The following SLC14A2 variants were observed in gnomAD, a reference collection of about 807,000 sequenced individuals.
SLC14A2 encodes the protein urea transporter 2.
A neutral mutation model predicts 104.6 loss-of-function variants in SLC14A2; 91 were observed. That is an observed-to-expected ratio of 0.87 (90% CI 0.73 to 1.04). The LOEUF (loss-of-function observed/expected upper bound fraction) is 1.04. SLC14A2 is among the 50% of genes least tolerant of loss of function. SLC14A2 has a pLI of 0.00. For missense variants in SLC14A2, 1,189 were observed against 1,156.0 expected, an observed-to-expected ratio of 1.03 and a Z score of -0.41; for synonymous variants, 476 against 466.4, an observed-to-expected ratio of 1.02 and a Z score of -0.27.
At chr18:45,265,248 G>A (rs913023443) in intron 1 of SLC14A2, among the ~76,000 whole-genome samples, 4 of 152,156 alleles carry the variant, frequency 2.6e-5, no homozygotes, top group Non-Finnish European at 2.9e-5. Flanking sequence ...ATGTAGAATA[G>A]GAATTAGACT....
At chr18:45,520,812 T>C (rs2043506780) in intron 2 of SLC14A2, among the ~76,000 whole-genome samples, 1 of 152,164 alleles carries the variant, frequency 6.6e-6, no homozygotes, top group Non-Finnish European at 1.5e-5. Flanking sequence ...ATCTAATTTG[T>C]GGGTTACCAT....
intron 1 of SLC14A2, among the ~76,000 whole-genome samples, chr18:45,310,845 A>C (rs1240017947): frequency 1.3e-5 from 2 of 152,198 alleles, no homozygotes; most frequent in African/African-American, 4.8e-5. Flanking sequence ...CAGCAGGCCA[A>C]ATGCCAGCGG....
intron 1 of SLC14A2, among the ~76,000 whole-genome samples, chr18:45,289,740 C>T (rs538326316): frequency 7.3e-4 from 111 of 152,262 alleles, no homozygotes; most frequent in African/African-American, 2.5e-3. Context: ...GGTGTCTGTT[C>T]CCCTGGATGA....
At chr18:45,207,334 A>C in the SLC14A2 span, among the ~76,000 whole-genome samples, 6 of 147,482 alleles carry the variant, frequency 4.1e-5, no homozygotes, top group Admixed American at 4.1e-4. Context: ...GGGGGAAGAA[A>C]GGGAGAAAAG....
upstream of SLC14A2, among the ~76,000 whole-genome samples, chr18:45,611,770 T>A (rs141255451): frequency 6.6e-6 from 1 of 152,118 alleles, no homozygotes; most frequent in South Asian, 2.1e-4. Context: ...GTGTGGCCCA[T>A]GAAGCAGGTA....
rs187002246 is a variant in SLC14A2, at chr18:45,555,148, A to G, written c.-34-69483A>G. Among the ~76,000 whole-genome samples, 10 of 152,340 alleles carry G rather than the reference A, an allele frequency of 6.6e-5. No individual in the cohort carries two copies. The East Asian group carries it at 1.7e-3, about 26-fold the overall frequency. On this transcript the variant is annotated intron_variant, in intron 2 of 20. Coordinates refer to the SLC14A2 transcript ENST00000586448. ...AATTCCTATCTCTGGTTTCTCAGCT[A>G]TAAGGGTTCCAGGAGACCAGTGATT...
At chr18:45,391,551 A>G (rs533904975) in intron 1 of SLC14A2, among the ~76,000 whole-genome samples, 2 of 152,234 alleles carry the variant, frequency 1.3e-5, no homozygotes, top group East Asian at 1.9e-4. Flanking sequence ...AACAGTGTAA[A>G]AGTGTTCCTA....
Position 45,254,097 on chromosome 18 carries a change from T to A in SLC14A2, c.-125+40906T>A, listed in dbSNP as rs2084450808. ...TGGGGAGTCCCAGGTCCTGGGACGA[T>A]CCCTGTGCCGATCATCACACAGCCA... On this transcript the variant is annotated intron_variant, in intron 1 of 20. Transcript: ENST00000586448. Among the ~76,000 whole-genome samples, 3 of 152,154 alleles carry A rather than the reference T, an allele frequency of 2.0e-5. No homozygotes were observed. The South Asian group carries it at 6.2e-4, about 32-fold the overall frequency.
intron 2 of SLC14A2, among the ~76,000 whole-genome samples, chr18:45,552,435 C>T (rs753243873): frequency 2.0e-5 from 3 of 152,138 alleles, no homozygotes; most frequent in South Asian, 2.1e-4. Context: ...CTCTCCCACC[C>T]CCCAACCCCC....
intron 10 of SLC14A2, among the ~76,000 whole-genome samples, chr18:45,650,423 A>C (rs974107876): frequency 1.3e-5 from 2 of 152,104 alleles, no homozygotes; most frequent in Non-Finnish European, 2.9e-5. Flanking sequence ...AATCCATCAC[A>C]GATGGGCCCC....
At chr18:45,500,618 C>T (rs976461824) in intron 2 of SLC14A2, among the ~76,000 whole-genome samples, 1 of 150,930 alleles carries the variant, frequency 6.6e-6, no homozygotes, top group Non-Finnish European at 1.5e-5. Context: ...CTTATCCTGA[C>T]GCATGAGTGT....
At chr18:45,169,328 G>A in the SLC14A2 span, among the ~76,000 whole-genome samples, 1 of 152,164 alleles carries the variant, frequency 6.6e-6, no homozygotes, top group Non-Finnish European at 1.5e-5. Flanking sequence ...GCTCTTTGGT[G>A]AGCCAGTTCA....
intron 1 of SLC14A2, among the ~76,000 whole-genome samples, chr18:45,325,431 G>A (rs549247443): frequency 6.6e-6 from 1 of 152,266 alleles, no homozygotes; most frequent in Non-Finnish European, 1.5e-5. Flanking sequence ...ACAAGCAAGG[G>A]TATTATTACA....
intron 1 of SLC14A2, among the ~76,000 whole-genome samples, chr18:45,463,873 T>A (rs1038557967): frequency 3.3e-5 from 5 of 152,202 alleles, no homozygotes; most frequent in Admixed American, 2.6e-4. Flanking sequence ...TTTGCCTCCG[T>A]ATTGATGAAA....
At chr18:45,546,390 A>T (rs1319893983) in intron 2 of SLC14A2, among the ~76,000 whole-genome samples, 1 of 152,250 alleles carries the variant, frequency 6.6e-6, no homozygotes, top group Non-Finnish European at 1.5e-5. Flanking sequence ...ACACACAGTG[A>T]TGCTGAATTC....
chr18:45,345,831 C>G (rs540708101), intron 1 of SLC14A2, among the ~76,000 whole-genome samples: 1 of 152,286 alleles, frequency 6.6e-6, no homozygotes, highest in Non-Finnish European at 1.5e-5. Flanking sequence ...GAAATACTTA[C>G]CTGAAGAATT....
At chr18:45,520,974 C>T (rs1254834389) in intron 2 of SLC14A2, among the ~76,000 whole-genome samples, 3 of 152,136 alleles carry the variant, frequency 2.0e-5, no homozygotes, top group Admixed American at 6.6e-5. Context: ...GTGGGCCTTC[C>T]TCCTCCCACC....
chr18:45,329,626 G>A (rs1452288550), intron 1 of SLC14A2, among the ~76,000 whole-genome samples: 1 of 152,140 alleles, frequency 6.6e-6, no homozygotes, highest in African/African-American at 2.4e-5. Context: ...AGCCTGTGTT[G>A]TTATCCAATT....
chr18:45,302,756 C>T (rs1475952932), intron 1 of SLC14A2, among the ~76,000 whole-genome samples: 1 of 152,114 alleles, frequency 6.6e-6, no homozygotes, highest in Non-Finnish European at 1.5e-5. Context: ...ATATTAGATG[C>T]CATCTTTACT....
Sources: allele counts gnomAD v4.1 joint callset (sites outside exome capture counted in the v4.1 genomes callset), GRCh38; gene constraint gnomAD v4.1.1; transcripts MANE v1.5; gene names NCBI Gene and HGNC (gene_info 2026-07-23, HGNC 2026-07-21).